OPCML: variants seen among roughly 807,000 people sequenced by gnomAD.
OPCML encodes the protein opioid binding protein/cell adhesion molecule like, also known as opioid-binding protein/cell adhesion molecule.
OPCML carries 13 observed loss-of-function variants against 37.8 expected under a neutral mutation model. The ratio of observed to expected loss-of-function variants is 0.34; its 90% CI spans 0.22 to 0.55. The LOEUF (loss-of-function observed/expected upper bound fraction) is 0.55. Among genes scored for constraint, OPCML ranks in the 20% least tolerant of loss-of-function variants. The pLI is 0.91. For synonymous variants in OPCML, 176 were observed against 168.8 expected (o/e 1.04, Z -0.33); for missense variants, 341 against 435.6 (o/e 0.78, Z 1.93).
chr11:132,899,651 T>A (rs961335432), intron 2 of OPCML, among the ~76,000 whole-genome samples: 3 of 152,066 alleles, frequency 2.0e-5, no homozygotes, highest in African/African-American at 4.8e-5. Flanking sequence ...GATTAAGGAA[T>A]ACCTAGAGAA....
At chr11:133,004,018 C>A in intron 1 of OPCML, 2 of 985,408 alleles carry the variant, frequency 2.0e-6, no homozygotes, top group Non-Finnish European at 2.4e-6. Context: ...CGTCTCTCAC[C>A]GCTCTGGAGT....
chr11:132,936,945 T>TA (rs1475218234), intron 2 of OPCML, among the ~76,000 whole-genome samples: 69 of 151,936 alleles, frequency 4.5e-4, no homozygotes, highest in African/African-American at 1.3e-3. Flanking sequence ...TTGTATATGT[T>TA]AAAAAAAAGG....
chr11:132,880,248 C>G (rs894230257), intron 2 of OPCML, among the ~76,000 whole-genome samples: 2 of 152,036 alleles, frequency 1.3e-5, no homozygotes, highest in African/African-American at 4.8e-5. Context: ...TAATTAAAAT[C>G]TACACACTCA....
At chr11:133,367,209 C>T (rs1314552000) in intron 1 of OPCML, among the ~76,000 whole-genome samples, 1 of 152,154 alleles carries the variant, frequency 6.6e-6, no homozygotes, top group Non-Finnish European at 1.5e-5. Flanking sequence ...CATCTCCTGA[C>T]CTCATGATCC....
chr11:132,838,895 GA>G (rs1395339523), intron 2 of OPCML, among the ~76,000 whole-genome samples: 2 of 152,190 alleles, frequency 1.3e-5, no homozygotes, highest in African/African-American at 4.8e-5. Flanking sequence ...GGAAACAGTA[GA>G]GCCGATATAT....
At chr11:133,229,431 G>A (rs1427511332) in intron 1 of OPCML, among the ~76,000 whole-genome samples, 3 of 152,158 alleles carry the variant, frequency 2.0e-5, no homozygotes, top group Non-Finnish European at 4.4e-5. Flanking sequence ...ATATGTCAAA[G>A]AGAAGCTGTA....
At chr11:132,786,424 T>G (rs1239441411) in intron 2 of OPCML, among the ~76,000 whole-genome samples, 2 of 152,116 alleles carry the variant, frequency 1.3e-5, no homozygotes, top group Non-Finnish European at 2.9e-5. Flanking sequence ...TTTGGATAAC[T>G]CAAATAAAGT....
chr11:133,202,966 T>C (rs1938864733), intron 1 of OPCML, among the ~76,000 whole-genome samples: 1 of 152,220 alleles, frequency 6.6e-6, no homozygotes, highest in African/African-American at 2.4e-5. Flanking sequence ...ATCTTCTGTG[T>C]GTCAGGGCCG....
intron 1 of OPCML, among the ~76,000 whole-genome samples, chr11:133,231,577 C>T (rs1211400496): frequency 6.6e-6 from 1 of 152,152 alleles, no homozygotes; most frequent in East Asian, 1.9e-4. Context: ...TCTCACAGCA[C>T]CTAGCTCAGT....
At chr11:133,117,456 G>C (rs1474645359) in intron 1 of OPCML, among the ~76,000 whole-genome samples, 1 of 152,190 alleles carries the variant, frequency 6.6e-6, no homozygotes, top group Non-Finnish European at 1.5e-5. Context: ...ACTGAGCTGT[G>C]AAGGGACCAA....
intron 2 of OPCML, among the ~76,000 whole-genome samples, chr11:132,881,319 C>T (rs989867550): frequency 3.9e-5 from 6 of 152,170 alleles, no homozygotes; most frequent in African/African-American, 1.4e-4. Context: ...TATTGGAGCG[C>T]CACACCTGGG....
At position 132,967,299 on chromosome 11, in the gene OPCML, G is replaced by T. The variant is rs970315401; in HGVS notation, c.62-24289C>A. ...AAATATTATTTCTATATAGCTTTAT[G>T]CCCTTTTCCCACATTTTGTTTCTTA... On this transcript the variant is annotated intron_variant, in intron 1 of 7. Coordinates refer to ENST00000524381, the MANE Select transcript of OPCML (RefSeq NM_001012393.5). Among the ~76,000 whole-genome samples the T allele has an allele frequency of 3.3e-5, 5 of 151,866 alleles. No homozygotes were observed. In the South Asian group the frequency reaches 1.0e-3, roughly 31 times the overall value.
At chr11:133,233,105 C>T (rs1940349062) in intron 1 of OPCML, among the ~76,000 whole-genome samples, 1 of 152,158 alleles carries the variant, frequency 6.6e-6, no homozygotes, top group South Asian at 2.1e-4. Context: ...GGACATGTAG[C>T]AGCTAAGCTT....
intron 2 of OPCML, among the ~76,000 whole-genome samples, chr11:132,705,222 C>T (rs1000633705): frequency 4.0e-5 from 6 of 151,138 alleles, no homozygotes; most frequent in Non-Finnish European, 7.4e-5. Context: ...GGATTTCTCA[C>T]GGATGTTTCA....
intron 2 of OPCML, among the ~76,000 whole-genome samples, chr11:132,731,965 C>T (rs138660553): frequency 6.6e-6 from 1 of 152,158 alleles, no homozygotes; most frequent in East Asian, 1.9e-4. Context: ...ATATACCATA[C>T]GTACTAAGAG....
chr11:133,249,779 C>T (rs1220251542), intron 1 of OPCML, among the ~76,000 whole-genome samples: 1 of 152,200 alleles, frequency 6.6e-6, no homozygotes, highest in Admixed American at 6.5e-5. Flanking sequence ...TTCTATAGCA[C>T]TCTAGAATGT....
At chr11:132,787,618 C>G (rs1045086704) in intron 2 of OPCML, among the ~76,000 whole-genome samples, 5 of 151,994 alleles carry the variant, frequency 3.3e-5, no homozygotes, top group Admixed American at 2.6e-4. Flanking sequence ...ACATAGTCCC[C>G]GTGATAGTTT....
intron 2 of OPCML, among the ~76,000 whole-genome samples, chr11:132,787,385 G>A (rs1947250937): frequency 6.6e-6 from 1 of 152,032 alleles, no homozygotes; most frequent in Non-Finnish European, 1.5e-5. Flanking sequence ...TTTGTAATAG[G>A]CCCTTTTGGT....
chr11:132,842,699 G>C (rs561875747), intron 2 of OPCML, among the ~76,000 whole-genome samples: 3 of 152,260 alleles, frequency 2.0e-5, no homozygotes, highest in African/African-American at 7.2e-5. Flanking sequence ...CCCATTCAAG[G>C]ATTCATGCCA....
Sources: gnomAD v4.1 joint callset for allele counts (sites outside exome capture counted in the v4.1 genomes callset) on GRCh38, gnomAD v4.1.1 for gene constraint, MANE v1.5 for transcripts, NCBI Gene and HGNC (gene_info 2026-07-23, HGNC 2026-07-21) for gene names.